TRIQK: variants seen among roughly 807,000 people sequenced by gnomAD.
TRIQK encodes triple QxxK/R motif containing, also known as triple QxxK/R motif-containing protein.
A neutral mutation model predicts 10.8 loss-of-function variants in TRIQK; 10 were observed. The observed-to-expected ratio is 0.92, with a 90% CI of 0.57 to 1.57. The LOEUF (loss-of-function observed/expected upper bound fraction) is 1.57, where lower values mean the gene tolerates loss of function less well. Ranked by LOEUF, TRIQK falls within the 40% of genes most tolerant of loss-of-function variation. The pLI, the probability that TRIQK is intolerant of heterozygous loss-of-function variation, is 0.00. For synonymous variants in TRIQK, 33 were observed against 33.7 expected, an observed-to-expected ratio of 0.98 and a Z score of 0.07; for missense variants, 107 against 97.7, an observed-to-expected ratio of 1.09 and a Z score of -0.40.
chr8:92,990,570 A>T (rs184256495), intron 1 of TRIQK, among the ~76,000 whole-genome samples: 1 of 152,210 alleles, frequency 6.6e-6, no homozygotes, highest in East Asian at 1.9e-4. Flanking sequence ...TCTCATTGGA[A>T]CTGGTTAGAC....
intron 1 of TRIQK, among the ~76,000 whole-genome samples, chr8:92,977,146 A>G (rs1249025420): frequency 6.6e-6 from 1 of 151,972 alleles, no homozygotes; most frequent in East Asian, 1.9e-4. Flanking sequence ...GACTTTCTTG[A>G]GCATTTTGTA....
intron 2 of TRIQK, among the ~76,000 whole-genome samples, chr8:92,934,963 A>C (rs926267660): frequency 6.6e-6 from 1 of 151,918 alleles, no homozygotes; most frequent in Non-Finnish European, 1.5e-5. Context: ...AAAAAGCATA[A>C]GTAGATTTCC....
At chr8:92,967,794 C>T (rs1184023614), upstream of TRIQK, among the ~76,000 whole-genome samples, 1 of 144,724 alleles carries the variant, frequency 6.9e-6, no homozygotes, top group Non-Finnish European at 1.5e-5. Flanking sequence ...TGCACTCCAG[C>T]CTGGGCAACT....
In TRIQK at chr8:92,949,820, AAGAAAGAAAGAAAG is replaced by A. The variant is rs1431500255; in HGVS notation, c.-22+4572_-22+4585del. 1.1e-3 allele frequency among the ~76,000 whole-genome samples: 156 copies of A among 140,052 alleles called. 1 individual carries two copies. The highest frequency in any genetic ancestry group is 3.6e-3 in the African/African-American group (140 of 38,412). 91.9% of individuals were successfully genotyped at this position (140,052 alleles called of 152,430 possible). A position where few individuals can be genotyped will look rare whatever the true frequency, so the allele number is the denominator to read the frequency against. ...AAAGAAAGAAAGAAAGAAAGAAAGA[AAGAAAGAAAGAAAG>A]AAAGAAAGGGAGAGAAAAGAAAAGA... is the stretch of plus-strand genomic sequence containing the variant. On this transcript the variant is annotated intron_variant, in intron 2 of 4. Coordinates refer to ENST00000521988, the MANE Select transcript of TRIQK (RefSeq NM_001171797.2).
intron 2 of TRIQK, among the ~76,000 whole-genome samples, chr8:92,918,381 C>T (rs2130469145): frequency 6.6e-6 from 1 of 152,080 alleles, no homozygotes; most frequent in Admixed American, 6.6e-5. Context: ...TCCCCACCAA[C>T]ACTTGTTATT....
chr8:92,888,923 GA>G (rs1232207694), intron 4 of TRIQK, among the ~76,000 whole-genome samples: 2 of 151,078 alleles, frequency 1.3e-5, no homozygotes, highest in African/African-American at 4.9e-5. Context: ...TTTGCATTCT[GA>G]AAAAAAAGTT....
intron 2 of TRIQK, among the ~76,000 whole-genome samples, chr8:92,918,053 G>C (rs1402446082): frequency 6.6e-6 from 1 of 151,958 alleles, no homozygotes; most frequent in Non-Finnish European, 1.5e-5. Flanking sequence ...GCAAATGGCA[G>C]CGTTTCATTT....
intron 1 of TRIQK, among the ~76,000 whole-genome samples, chr8:92,985,373 C>T (rs995884519): frequency 1.4e-4 from 22 of 152,150 alleles, no homozygotes; most frequent in African/African-American, 5.3e-4. Context: ...GAATTCCATT[C>T]CTCCTAGCTC....
chr8:92,888,547 A>C (rs1259724554), intron 4 of TRIQK, among the ~76,000 whole-genome samples: 2 of 151,634 alleles, frequency 1.3e-5, no homozygotes, highest in Non-Finnish European at 3.0e-5. Context: ...AAAGCATTGT[A>C]GAGGCTGAAT....
chr8:92,999,755 G>C (rs1458537265), intron 1 of TRIQK, among the ~76,000 whole-genome samples: 1 of 152,006 alleles, frequency 6.6e-6, no homozygotes, highest in Non-Finnish European at 1.5e-5. Context: ...AAAGACTAAT[G>C]GTTTTTCAGA....
intron 3 of TRIQK, among the ~76,000 whole-genome samples, chr8:92,898,822 GGT>G (rs1333719256): frequency 1.1e-4 from 8 of 74,042 alleles, no homozygotes; most frequent in Admixed American, 1.6e-4. Context: ...GTACATAATA[GGT>G]GTGTGTGTGT....
At chr8:92,893,125 ATCT>A (rs147568449) in intron 3 of TRIQK, among the ~76,000 whole-genome samples, 1,670 of 152,074 alleles carry the variant, frequency 0.011, 15 homozygotes, top group Non-Finnish European at 0.017. Flanking sequence ...TAATTTCCAC[ATCT>A]TCTTCACATT....
At chr8:93,015,944 A>C (rs1394784253) in intron 1 of TRIQK, among the ~76,000 whole-genome samples, 1 of 111,170 alleles carries the variant, frequency 9.0e-6, no homozygotes, top group African/African-American at 3.3e-5. Context: ...ACCTTTTTTT[A>C]AGTAAAAAAA....
At chr8:92,924,334 C>A (rs1810334270) in intron 2 of TRIQK, among the ~76,000 whole-genome samples, 1 of 151,898 alleles carries the variant, frequency 6.6e-6, no homozygotes, top group Non-Finnish European at 1.5e-5. Flanking sequence ...CTAGATAAAG[C>A]AAAAATCCTT....
intron 1 of TRIQK, among the ~76,000 whole-genome samples, chr8:92,981,719 A>T (rs575324175): frequency 6.6e-6 from 1 of 151,808 alleles, no homozygotes; most frequent in African/African-American, 2.4e-5. Context: ...ATTTGTTTTC[A>T]TTTTTTTATT....
At chr8:92,962,705 C>G (rs1016229939) in intron 1 of TRIQK, among the ~76,000 whole-genome samples, 1 of 152,104 alleles carries the variant, frequency 6.6e-6, no homozygotes, top group African/African-American at 2.4e-5. Context: ...CGTATCTGAC[C>G]GGTTCACATT....
At position 92,885,339 on chromosome 8, in the gene TRIQK, G is replaced by A; in HGVS notation, c.*1283C>T. ...CAAGGATTTCTTCTCTTGGCTAGCA[G>A]GAAAACAATCTTAATATTTTATTTA... On this transcript the variant is annotated 3_prime_UTR_variant, in exon 5 of 5. Transcript: ENST00000521988. 5.3e-6 allele frequency: 1 copy of A among 188,740 alleles called. No homozygotes were observed. The highest frequency in any genetic ancestry group is 1.1e-4 in the South Asian group (1 of 9,308). 11.7% of individuals were successfully genotyped at this position (188,740 alleles called of 1,614,324 possible).
At chr8:92,981,196 G>A (rs759566293) in intron 1 of TRIQK, among the ~76,000 whole-genome samples, 4 of 151,430 alleles carry the variant, frequency 2.6e-5, no homozygotes, top group Non-Finnish European at 4.4e-5. Flanking sequence ...TCTTGTTTTC[G>A]TGCAATACGT....
intron 1 of TRIQK, among the ~76,000 whole-genome samples, chr8:93,015,153 A>G (rs1488644106): frequency 6.6e-6 from 1 of 151,900 alleles, no homozygotes; most frequent in Non-Finnish European, 1.5e-5. Context: ...TTATAGGTAT[A>G]TGAACTAATA....
Sources: allele counts gnomAD v4.1 joint callset (sites outside exome capture counted in the v4.1 genomes callset), GRCh38; gene constraint gnomAD v4.1.1; transcripts MANE v1.5; gene names NCBI Gene and HGNC (gene_info 2026-07-23, HGNC 2026-07-21).